The following PCDH15 variants were observed in gnomAD, a reference collection of about 807,000 sequenced individuals.
The protein encoded by PCDH15 is protocadherin-15.
PCDH15 carries 129 observed loss-of-function variants against 178.5 expected under a neutral mutation model. The observed-to-expected ratio is 0.72, with a 90% confidence interval of 0.63 to 0.84. The LOEUF is 0.84. PCDH15 is among the 40% of genes least tolerant of loss of function. The pLI, the probability that PCDH15 is intolerant of heterozygous loss-of-function variation, is 0.00. For missense variants in PCDH15, 2,230 were observed against 2,099.9 expected (o/e 1.06, Z -1.21); for synonymous variants, 800 against 732.0 (o/e 1.09, Z -1.50).
chr10:53,806,134 C>G lies in PCDH15; in HGVS notation c.*445G>C, dbSNP rs868068764. 1.3e-4 allele frequency: 21 copies of G among 161,520 alleles called. No homozygotes were observed. Among genetic ancestry groups the G allele is most frequent in the Admixed American group, 3.6e-4 (6 of 16,766 alleles). 10.0% of individuals were successfully genotyped at this position (161,520 alleles called of 1,614,324 possible). Reference sequence around the variant, plus strand: ...AAAATTAGGGCAGTATAGACAGCAGCTGTATAAACTCATTGCCTGTAAATA... The same window carrying G: ...AAAATTAGGGCAGTATAGACAGCAGGTGTATAAACTCATTGCCTGTAAATA... On this transcript the variant is annotated 3_prime_UTR_variant, in exon 38 of 38. Coordinates refer to ENST00000644397, the MANE Select transcript of PCDH15 (RefSeq NM_001384140.1).
At chr10:53,924,042 G>A (rs1336939099) in intron 25 of PCDH15, among the ~76,000 whole-genome samples, 1 of 152,142 alleles carries the variant, frequency 6.6e-6, no homozygotes, top group Non-Finnish European at 1.5e-5. Context: ...GCCCTCGCTT[G>A]ATCTCAGCAC....
At chr10:55,202,050 A>C (rs1840265451) in intron 1 of PCDH15, among the ~76,000 whole-genome samples, 1 of 152,074 alleles carries the variant, frequency 6.6e-6, no homozygotes. Flanking sequence ...CAACCATCTG[A>C]AGTGAATTAT....
intron 2 of PCDH15, among the ~76,000 whole-genome samples, chr10:55,551,884 G>C (rs1842009929): frequency 6.6e-6 from 1 of 151,560 alleles, no homozygotes; most frequent in African/African-American, 2.4e-5. Flanking sequence ...GAAAATTCTT[G>C]GCAGTAACAA....
intron 18 of PCDH15, among the ~76,000 whole-genome samples, chr10:54,036,318 T>A (rs894165567): frequency 1.3e-5 from 2 of 151,868 alleles, no homozygotes; most frequent in African/African-American, 2.4e-5. Context: ...AACAGAGAGG[T>A]CAATGCCTAG....
chr10:54,023,041 C>T lies in PCDH15; in HGVS notation c.2377G>A (p.Asp793Asn), dbSNP rs2092973629. The change falls in exon 19 of 38, where the codon GAT becomes AAT. Residue 793 changes from aspartate (D) to asparagine (N), a missense_variant. By Grantham distance (23) the Asp-to-Asn change is conservative. Transcript: ENST00000644397. ...DYYELVVVAT[D>N]GAVHPRHSTL... ...GAATGACGAGGGTGTACTGCTCCAT[C>T]TGTTGCCACAACAACAAGTTCATAG... 6.2e-7 allele frequency: 1 copy of T among 1,613,848 alleles called. No homozygotes were observed. Among genetic ancestry groups the T allele is most frequent in the Non-Finnish European group, 8.5e-7 (1 of 1,179,904 alleles).
At chr10:54,813,510 CT>C (rs1168477197) in intron 3 of PCDH15, among the ~76,000 whole-genome samples, 2 of 152,272 alleles carry the variant, frequency 1.3e-5, no homozygotes, top group East Asian at 1.9e-4. Context: ...GAGAGCAGCT[CT>C]TTTTTTGTGT....
intron 2 of PCDH15, among the ~76,000 whole-genome samples, chr10:55,617,125 T>A (rs890033032): frequency 6.6e-6 from 1 of 152,064 alleles, no homozygotes; most frequent in African/African-American, 2.4e-5. Flanking sequence ...ACTTCAGGTA[T>A]TTTTTGTAAA....
chr10:54,350,180 C>T (rs1943942092), intron 5 of PCDH15, among the ~76,000 whole-genome samples: 1 of 152,046 alleles, frequency 6.6e-6, no homozygotes, highest in South Asian at 2.1e-4. Flanking sequence ...AGTGTAATAG[C>T]AATAGATTTC....
intron 2 of PCDH15, among the ~76,000 whole-genome samples, chr10:54,596,143 C>T (rs548735446): frequency 1.7e-4 from 26 of 151,774 alleles, no homozygotes; most frequent in African/African-American, 6.3e-4. Flanking sequence ...GAAGATCATC[C>T]CCAAGATACA....
chr10:54,293,544 G>T (rs937937462), intron 8 of PCDH15, among the ~76,000 whole-genome samples: 1 of 152,112 alleles, frequency 6.6e-6, no homozygotes, highest in Admixed American at 6.6e-5. Context: ...TACAGAATGG[G>T]AGACAATTTT....
chr10:53,909,563 T>C (rs995456015), intron 25 of PCDH15, among the ~76,000 whole-genome samples: 1 of 152,102 alleles, frequency 6.6e-6, no homozygotes, highest in Non-Finnish European at 1.5e-5. Context: ...TAGGAACAGC[T>C]CCAGTCTGCA....
At chr10:55,069,619 A>G (rs1591876402) in intron 2 of PCDH15, among the ~76,000 whole-genome samples, 1 of 143,710 alleles carries the variant, frequency 7.0e-6, no homozygotes, top group Non-Finnish European at 1.5e-5. Context: ...ATCATTTTTT[A>G]TGGCTGCATA....
chr10:55,377,457 C>T (rs183115865), intron 2 of PCDH15, among the ~76,000 whole-genome samples: 219 of 151,520 alleles, frequency 1.4e-3, no homozygotes, highest in South Asian at 1.7e-3. Flanking sequence ...TTTTGATTTG[C>T]GTATTCTATA....
intron 2 of PCDH15, among the ~76,000 whole-genome samples, chr10:55,029,540 A>G (rs890357055): frequency 2.6e-5 from 4 of 152,128 alleles, no homozygotes; most frequent in African/African-American, 9.7e-5. Flanking sequence ...TAAGAAAAAT[A>G]GGAGAGACAG....
intron 2 of PCDH15, among the ~76,000 whole-genome samples, chr10:55,618,169 C>A (rs1027576374): frequency 2.6e-4 from 40 of 152,024 alleles, no homozygotes; most frequent in Admixed American, 1.9e-3. Flanking sequence ...TACTTGAAGG[C>A]TTTGAAAAAT....
At chr10:55,248,095 A>G (rs191648009) in intron 1 of PCDH15, among the ~76,000 whole-genome samples, 147 of 150,878 alleles carry the variant, frequency 9.7e-4, no homozygotes, top group Middle Eastern at 6.9e-3. Flanking sequence ...ATTTGAATAT[A>G]TATCTTATTA....
chr10:53,823,646 A>G (rs1003417232), intron 32 of PCDH15: 1 of 490,576 alleles, frequency 2.0e-6, no homozygotes, highest in Non-Finnish European at 3.9e-6. Context: ...TTTTTCAGCT[A>G]GTGTGATACA....
At chr10:53,879,477 G>A (rs74137222) in intron 26 of PCDH15, among the ~76,000 whole-genome samples, 3,048 of 152,092 alleles carry the variant, frequency 0.02, 110 homozygotes, top group African/African-American at 0.07. Flanking sequence ...TAATATAGAA[G>A]TTTGGAAGTT....
chr10:54,499,582 C>A (rs567910305), intron 3 of PCDH15, among the ~76,000 whole-genome samples: 148 of 152,000 alleles, frequency 9.7e-4, no homozygotes, highest in Non-Finnish European at 1.6e-3. Context: ...TTTGAATAAA[C>A]AATAAAATTT....
Sources: gnomAD v4.1 joint callset for allele counts (sites outside exome capture counted in the v4.1 genomes callset) on GRCh38, gnomAD v4.1.1 for gene constraint, MANE v1.5 for transcripts, NCBI Gene and HGNC (gene_info 2026-07-23, HGNC 2026-07-21) for gene names.